The following PCED1A variants were observed in gnomAD, a reference collection of about 807,000 sequenced individuals.
PCED1A encodes PC-esterase domain containing 1A.
Under a neutral mutation model 41.9 loss-of-function variants are expected in PCED1A, and 20 were observed. The ratio of observed to expected loss-of-function variants is 0.48; its 90% CI spans 0.34 to 0.69. The LOEUF is 0.69. Among genes scored for constraint, PCED1A ranks in the 30% least tolerant of loss-of-function variants. The pLI, the probability that PCED1A is intolerant of heterozygous loss-of-function variation, is 0.01. For missense variants in PCED1A, 498 were observed against 602.1 expected (o/e 0.83, Z 1.81); for synonymous variants, 236 against 241.3 (o/e 0.98, Z 0.20).
chr20:2,840,305 T>G lies in PCED1A; in HGVS notation c.-116A>C. ...GCGGGCTCCTAGCCAAGCCTCATGT[T>G]CCCGCGCCCCAGTCGGCCAGTCGGT... is the stretch of plus-strand genomic sequence containing the variant. On this transcript the variant is annotated 5_prime_UTR_variant, in exon 1 of 8. Transcript: ENST00000360652. 4.1e-6 allele frequency: 1 copy of G among 244,944 alleles called. No homozygotes were observed. Among genetic ancestry groups the G allele is most frequent in the Non-Finnish European group, 7.8e-6 (1 of 127,482 alleles). The allele number at this position is 244,944 out of a possible 1,614,324, so 15.2% of individuals were successfully genotyped here.
intron 6 of PCED1A, among the ~76,000 whole-genome samples, chr20:2,837,021 C>T (rs2088846846): frequency 6.6e-6 from 1 of 152,124 alleles, no homozygotes; most frequent in Admixed American, 6.6e-5. Context: ...TCCAAAGAAC[C>T]TCAAATCAAT....
In PCED1A at chr20:2,838,193, C is replaced by T; in HGVS notation, c.841+39G>A. The T allele has an allele frequency of 6.2e-7, 1 of 1,612,620 alleles. No homozygotes were observed. ...TTCTGAGCCCTGTCCTCTGAGGGCC[C>T]CAGTGCATCACTACCCCCCCACTTA... On this transcript the variant is annotated intron_variant, in intron 6 of 7. Transcript: ENST00000360652. The surrounding 1 kb of genome is among the most constrained non-coding windows in gnomAD (Gnocchi z 5.8).
Position 2,839,097 on chromosome 20 carries a change from C to G in PCED1A, c.205-15G>C, listed in dbSNP as rs1440128808. The stretch of plus-strand genomic sequence containing the variant: ...CTCAGCTCCCCCTACCCACCCCCCC[C>G]ACCCTACTGGTCAGACCCATGCCAG... On this transcript the variant is annotated splice_polypyrimidine_tract_variant and intron_variant, in intron 3 of 7. Transcript: ENST00000360652. 2.2e-5 allele frequency: 35 copies of G among 1,602,980 alleles called. No homozygotes were observed. The highest frequency in any genetic ancestry group is 2.9e-5 in the Non-Finnish European group (34 of 1,176,042).
chr20:2,836,249 C>G lies in PCED1A; in HGVS notation c.907G>C (p.Asp303His). 2 of 1,614,132 alleles carry G rather than the reference C, an allele frequency of 1.2e-6. No homozygotes were observed. The highest frequency in any genetic ancestry group is 1.7e-6 in the Non-Finnish European group (2 of 1,180,026). The change falls in exon 7 of 8, where the codon GAC becomes CAC. Residue 303 changes from aspartate (D) to histidine (H), a missense_variant. This residue lies in a region of PCED1A where 245 missense variants were observed against 232.4 expected (regional missense o/e 1.05). Coordinates refer to ENST00000360652, the MANE Select transcript of PCED1A (RefSeq NM_022760.6). ...AGCAAGGCCAGGTGCTCCCCGAAGT[C>G]TGGGGTCTGCCTATGGCTTCCCTGG... ...PFQGSHRQTP[D>H]FGEHLALLPP...
chr20:2,840,742 C>T (rs1328948283), upstream of PCED1A: 17 of 1,547,474 alleles, frequency 1.1e-5, no homozygotes, highest in African/African-American at 1.4e-5. Flanking sequence ...TGGGTGTCCC[C>T]TCGGTGCTTC....
chr20:2,835,386 C>T lies in PCED1A; in HGVS notation c.*76G>A. On this transcript the variant is annotated 3_prime_UTR_variant, in exon 8 of 8. Transcript: ENST00000360652. Reference sequence around the variant, plus strand: ...AGAACAATACCAGGCATAGCAGACACCCTAGCCCAGTACCTGAGGTGCCAG... The same window carrying T: ...AGAACAATACCAGGCATAGCAGACATCCTAGCCCAGTACCTGAGGTGCCAG... The T allele has an allele frequency of 1.3e-6, 2 of 1,524,502 alleles. No homozygotes were observed. Among genetic ancestry groups the T allele is most frequent in the Non-Finnish European group, 1.8e-6 (2 of 1,128,376 alleles). The allele number at this position is 1,524,502 out of a possible 1,614,324, so 94.4% of individuals were successfully genotyped here.
In PCED1A at chr20:2,840,011, T is replaced by C; in HGVS notation, c.-21-78A>G. ...GCCTCAGGGCTAGCCCCTCCGGGGCTGCTCAATGCTAAAGGGAGGAGGTGA... is the reference window on the plus strand; with the variant it reads ...GCCTCAGGGCTAGCCCCTCCGGGGCCGCTCAATGCTAAAGGGAGGAGGTGA... On this transcript the variant is annotated intron_variant, in intron 1 of 7. Transcript: ENST00000360652. The C allele has an allele frequency of 2.1e-6, 3 of 1,410,862 alleles. No individual in the cohort carries two copies. In the South Asian group the frequency reaches 4.2e-5, roughly 20 times the overall value. 87.4% of individuals were successfully genotyped at this position (1,410,862 alleles called of 1,614,324 possible).
Position 2,839,092 on chromosome 20 carries a change from C to T in PCED1A, c.205-10G>A. 6.9e-7 allele frequency: 1 copy of T among 1,449,468 alleles called. No homozygotes were observed. The highest frequency in any genetic ancestry group is 9.5e-7 in the Non-Finnish European group (1 of 1,057,074). 89.8% of individuals were successfully genotyped at this position (1,449,468 alleles called of 1,614,324 possible). A position where few individuals can be genotyped will look rare whatever the true frequency, so the allele number is the denominator to read the frequency against. On this transcript the variant is annotated splice_polypyrimidine_tract_variant and intron_variant, in intron 3 of 7. Coordinates refer to ENST00000360652, the MANE Select transcript of PCED1A (RefSeq NM_022760.6). ...CAAAGCTCAGCTCCCCCTACCCACC[C>T]CCCCCACCCTACTGGTCAGACCCAT...
chr20:2,840,066 T>C (rs1291054085), intron 1 of PCED1A, 133 bp from the exon 2 acceptor site: 2 of 919,198 alleles, frequency 2.2e-6, no homozygotes, highest in Admixed American at 3.2e-5. Flanking sequence ...GCGCCAGCCT[T>C]GGTCACACTT....
rs1376899607 is a variant in PCED1A at position 2,835,640 on chromosome 20, C to T, written c.1187G>A (p.Gly396Asp). The T allele has an allele frequency of 2.5e-6, 4 of 1,605,782 alleles. No individual in the cohort carries two copies. The highest frequency in any genetic ancestry group is 1.3e-5 in the African/African-American group (1 of 74,788). Residue 396 changes from glycine to aspartate, a missense_variant, in exon 8 of 8, where the codon GGT becomes GAT. Gly to Asp is a moderately conservative substitution (Grantham distance 94). This residue lies in a region of PCED1A where 245 missense variants were observed against 232.4 expected (regional missense o/e 1.05). Transcript: ENST00000360652. ...PPPIPGPNPHGQHWGPVVHRG... is the reference protein window; with the variant it reads ...PPPIPGPNPHDQHWGPVVHRG... ...GTGGACCACTGGGCCCCAGTGCTGACCATGGGGATTAGGGCCAGGGATTGG... is the reference window on the plus strand; with the variant it reads ...GTGGACCACTGGGCCCCAGTGCTGATCATGGGGATTAGGGCCAGGGATTGG...
chr20:2,837,955 T>C (rs906595619), intron 6 of PCED1A, among the ~76,000 whole-genome samples: 2 of 152,202 alleles, frequency 1.3e-5, no homozygotes, highest in Non-Finnish European at 2.9e-5. Context: ...GTAGGACCCT[T>C]GCAACATGCT....
In PCED1A at chr20:2,840,194, C is replaced by G. The variant is rs547885970; in HGVS notation, c.-22+17G>C. 1.9e-4 allele frequency: 59 copies of G among 318,162 alleles called. 1 individual carries two copies. Among genetic ancestry groups the G allele is most frequent in the Non-Finnish European group, 2.3e-5 (4 of 175,836 alleles). The allele number at this position is 318,162 out of a possible 1,614,324, so 19.7% of individuals were successfully genotyped here. A position where few individuals can be genotyped will look rare whatever the true frequency, so the allele number is the denominator to read the frequency against. On this transcript the variant is annotated intron_variant, in intron 1 of 7. Coordinates refer to ENST00000360652, the MANE Select transcript of PCED1A (RefSeq NM_022760.6). The stretch of plus-strand genomic sequence containing the variant: ...GCCGCCGTCCCGCGCATGCGCGCAC[C>G]CGCTCGCGCCAATTACCAAGTCCCG...
chr20:2,840,493 A>T lies in PCED1A; in HGVS notation c.-304T>A, dbSNP rs954603165. 81 of 523,022 alleles carry T rather than the reference A, an allele frequency of 1.5e-4. 8 individuals carry two copies. The South Asian group carries it at 1.6e-3, about 10-fold the overall frequency. The allele number at this position is 523,022 out of a possible 1,614,324, so 32.4% of individuals were successfully genotyped here. A position where few individuals can be genotyped will look rare whatever the true frequency, so the allele number is the denominator to read the frequency against. Reference sequence around the variant, plus strand: ...TCACAGCTTCCACTTCCGTTCACCCATGTCCCGCCCTGAGCGACCCCCAGT... The same window carrying T: ...TCACAGCTTCCACTTCCGTTCACCCTTGTCCCGCCCTGAGCGACCCCCAGT... On this transcript the variant is annotated 5_prime_UTR_variant, in exon 1 of 8. The change abolishes an upstream ATG in the 5' untranslated region. Transcript: ENST00000360652.
intron 6 of PCED1A, among the ~76,000 whole-genome samples, chr20:2,836,731 ACTCC>A (rs1465449386): frequency 6.6e-6 from 1 of 151,710 alleles, no homozygotes; most frequent in Non-Finnish European, 1.5e-5. Flanking sequence ...TCAATTGCTC[ACTCC>A]CTCCTTTAAT....
In PCED1A at chr20:2,838,211, C is replaced by T. The variant is rs748204981; in HGVS notation, c.841+21G>A. The T allele has an allele frequency of 7.4e-6, 12 of 1,613,498 alleles. No homozygotes were observed. Among genetic ancestry groups the T allele is most frequent in the Non-Finnish European group, 1.0e-5 (12 of 1,179,954 alleles). On this transcript the variant is annotated intron_variant, in intron 6 of 7. Coordinates refer to ENST00000360652, the MANE Select transcript of PCED1A (RefSeq NM_022760.6). This position sits in a 1 kb window ranked among gnomAD's most constrained non-coding sequence, Gnocchi z 5.8. ...GAGGGCCCCAGTGCATCACTACCCC[C>T]CCACTTATGGTAGGGCTCACCAGGG...
At position 2,839,085 on chromosome 20, in the gene PCED1A, A is replaced by ATGGGGCCC; in HGVS notation, c.205-4_205-3insGGGCCCCA. The ATGGGGCCC allele has an allele frequency of 2.0e-6, 1 of 491,602 alleles. No homozygotes were observed. Among genetic ancestry groups the ATGGGGCCC allele is most frequent in the Non-Finnish European group, 3.5e-6 (1 of 287,772 alleles). The allele number at this position is 491,602 out of a possible 1,614,324, so 30.5% of individuals were successfully genotyped here. On this transcript the variant is annotated splice_region_variant and splice_polypyrimidine_tract_variant and intron_variant, in intron 3 of 7. Coordinates refer to ENST00000360652, the MANE Select transcript of PCED1A (RefSeq NM_022760.6). The stretch of plus-strand genomic sequence containing the variant: ...TCCTGTTCAAAGCTCAGCTCCCCCT[A>ATGGGGCCC]CCCACCCCCCCCACCCTACTGGTCA...
chr20:2,838,704 C>T lies in PCED1A; in HGVS notation c.486G>A (p.Glu162=), dbSNP rs765474630. The part of the protein sequence containing the change: ...CSMESYRENL[E]RVFVRMDQVL... ...CTTGGTCCATGCGCACAAACACCCG[C>T]TCCAGGTTCTCCCGGTAGCTCTCCA... Residue 162 remains glutamate, a synonymous_variant, in exon 5 of 8, where the codon GAG becomes GAA. Transcript: ENST00000360652. This position sits in a 1 kb window ranked among gnomAD's most constrained non-coding sequence, Gnocchi z 5.8. The T allele has an allele frequency of 1.2e-5, 19 of 1,614,118 alleles. No homozygotes were observed. The Admixed American group carries it at 2.8e-4, about 24-fold the overall frequency.
intron 1 of PCED1A, 85 bp from the exon 2 acceptor site, chr20:2,840,018 T>C: frequency 7.3e-7 from 1 of 1,363,398 alleles, no homozygotes. Flanking sequence ...GGCTGCTCAA[T>C]GCTAAAGGGA....
chr20:2,838,466 C>A lies in PCED1A; in HGVS notation c.607G>T (p.Ala203Ser). 1 of 1,614,206 alleles carries A rather than the reference C, an allele frequency of 6.2e-7. No homozygotes were observed. Among genetic ancestry groups the A allele is most frequent in the Non-Finnish European group, 8.5e-7 (1 of 1,180,028 alleles). ...ACCACATCCCGCCGCAGGGAGCCTG[C>A]CAGGGGCTGGAGCTAAGTGAGAAAG... ...GFLLPELQPL[A>S]GSLRRDVVEG... Residue 203 changes from alanine (A) to serine (S), a missense_variant, in exon 6 of 8, where the codon GCA becomes TCA. Physicochemically the swap from Ala to Ser is moderately conservative, Grantham distance 99 (BLOSUM62 1). Transcript: ENST00000360652. This position sits in a 1 kb window ranked among gnomAD's most constrained non-coding sequence, Gnocchi z 5.8.
Sources: allele counts gnomAD v4.1 joint callset (sites outside exome capture counted in the v4.1 genomes callset), GRCh38; gene constraint gnomAD v4.1.1; regional missense constraint gnomAD v4.1.1; non-coding constraint Gnocchi (gnomAD v3.1); transcripts MANE v1.5; gene names NCBI Gene and HGNC (gene_info 2026-07-23, HGNC 2026-07-21).